AOPEP: variants seen among roughly 807,000 people sequenced by gnomAD.
AOPEP encodes aminopeptidase O.
In AOPEP, 77 loss-of-function variants were observed where a neutral mutation model predicts 98.1. That is an observed-to-expected ratio of 0.78 (90% CI 0.65 to 0.95). AOPEP has a LOEUF of 0.95. Among genes scored for constraint, AOPEP ranks in the 40% least tolerant of loss-of-function variants. AOPEP has a pLI of 0.00. For synonymous variants in AOPEP, 346 were observed against 365.3 expected, an observed-to-expected ratio of 0.95 and a Z score of 0.60; for missense variants, 1,024 against 1,024.7, an observed-to-expected ratio of 1.00 and a Z score of 0.01.
chr9:95,146,559 T>C, the AOPEP span, among the ~76,000 whole-genome samples: 491 of 150,814 alleles, frequency 3.3e-3, 9 homozygotes, highest in East Asian at 0.043. Context: ...AACCACAGTA[T>C]TCTTAACAAA....
chr9:95,094,072 TCTC>T, the AOPEP span, among the ~76,000 whole-genome samples: 1 of 152,194 alleles, frequency 6.6e-6, no homozygotes, highest in East Asian at 1.9e-4. Flanking sequence ...TTCTTGCTCT[TCTC>T]CTTTCTCTCC....
chr9:95,044,701 A>G (rs761083477), intron 13 of AOPEP, among the ~76,000 whole-genome samples: 39 of 152,138 alleles, frequency 2.6e-4, no homozygotes, highest in Admixed American at 7.9e-4. Context: ...GGAAATGAGC[A>G]TAGTGACCTG....
At chr9:94,888,294 CGTGTGTGTGTGTGT>C (rs59342995) in intron 5 of AOPEP, among the ~76,000 whole-genome samples, 7 of 137,590 alleles carry the variant, frequency 5.1e-5, no homozygotes, top group African/African-American at 1.6e-4. Context: ...AGAACCTTAC[CGTGTGTGTGTGTGT>C]GTGTGTGTGT....
rs532825758 is a variant in AOPEP, at chr9:94,878,025, T to A, written c.1365-45961T>A. ...GAACATGGAGAGGCATCAATGGAAT[T>A]GTTTTCTGATTTTTTGGCATTTGCC... is the stretch of plus-strand genomic sequence containing the variant. On this transcript the variant is annotated intron_variant, in intron 5 of 16. Transcript: ENST00000375315. Among the ~76,000 whole-genome samples the A allele has an allele frequency of 5.3e-5, 8 of 152,212 alleles. No homozygotes were observed. In the East Asian group the frequency reaches 1.5e-3, roughly 29 times the overall value.
intron 2 of AOPEP, among the ~76,000 whole-genome samples, chr9:94,770,773 G>C (rs1387716285): frequency 6.6e-6 from 1 of 152,104 alleles, no homozygotes; most frequent in Non-Finnish European, 1.5e-5. Flanking sequence ...GCATTATCAC[G>C]GCCTGTATAC....
intron 5 of AOPEP, among the ~76,000 whole-genome samples, chr9:94,839,339 C>T (rs900648991): frequency 9.9e-5 from 15 of 152,206 alleles, no homozygotes; most frequent in South Asian, 8.3e-4. Flanking sequence ...CCGCCCACCT[C>T]GGCCTCCCAA....
intron 1 of AOPEP, among the ~76,000 whole-genome samples, chr9:94,744,625 C>A (rs1277777856): frequency 6.9e-6 from 1 of 144,510 alleles, no homozygotes; most frequent in Non-Finnish European, 1.5e-5. Context: ...CACTTCAACC[C>A]AGGAGACGGA....
At chr9:94,916,862 A>T (rs1245265795) in intron 5 of AOPEP, among the ~76,000 whole-genome samples, 1 of 152,222 alleles carries the variant, frequency 6.6e-6, no homozygotes, top group African/African-American at 2.4e-5. Context: ...AATTTGTTCA[A>T]AAACAAATTT....
chr9:95,083,140 C>T (rs2070044995), intron 16 of AOPEP: 1 of 177,688 alleles, frequency 5.6e-6, no homozygotes, highest in Admixed American at 5.9e-5. Context: ...CGTGTGACTC[C>T]AAAGCCTAGC....
intron 13 of AOPEP, among the ~76,000 whole-genome samples, chr9:95,009,076 G>A (rs1310461178): frequency 6.6e-6 from 1 of 152,192 alleles, no homozygotes; most frequent in Non-Finnish European, 1.5e-5. Flanking sequence ...AGAACAATTA[G>A]GATGATTGGA....
At chr9:95,043,150 T>G (rs1276308596) in intron 13 of AOPEP, among the ~76,000 whole-genome samples, 1 of 151,958 alleles carries the variant, frequency 6.6e-6, no homozygotes, top group Non-Finnish European at 1.5e-5. Flanking sequence ...AGGTAGTTAG[T>G]AGTTTTGTAG....
At chr9:95,080,545 TAAAAGA>T (rs1238430970) in intron 14 of AOPEP, 143 bp from the exon 15 acceptor site, 1 of 608,342 alleles carries the variant, frequency 1.6e-6, no homozygotes, top group East Asian at 2.7e-5. Flanking sequence ...AAAAATATAC[TAAAAGA>T]AAATGTAAAA....
intron 13 of AOPEP, among the ~76,000 whole-genome samples, chr9:95,054,520 C>T (rs1023695130): frequency 2.6e-5 from 4 of 152,090 alleles, no homozygotes; most frequent in African/African-American, 4.8e-5. Flanking sequence ...AATAATAGCA[C>T]GGGAACATTT....
chr9:94,798,532 C>T (rs1847532652), intron 4 of AOPEP, among the ~76,000 whole-genome samples: 1 of 152,120 alleles, frequency 6.6e-6, no homozygotes. Flanking sequence ...GGGTTCTTGG[C>T]AGCAGGAAAT....
At chr9:95,130,157 T>G in the AOPEP span, among the ~76,000 whole-genome samples, 3 of 152,324 alleles carry the variant, frequency 2.0e-5, no homozygotes, top group African/African-American at 7.2e-5. Flanking sequence ...GATGTTTACT[T>G]AAGCTGTTAT....
chr9:94,731,492 C>T (rs896948651), intron 1 of AOPEP, among the ~76,000 whole-genome samples: 2 of 152,168 alleles, frequency 1.3e-5, no homozygotes, highest in Non-Finnish European at 1.5e-5. Context: ...TCCCAAAGTG[C>T]TGGGATTACA....
At chr9:95,089,741 G>A (rs1189944559), downstream of AOPEP, among the ~76,000 whole-genome samples, 2 of 152,236 alleles carry the variant, frequency 1.3e-5, no homozygotes, top group Non-Finnish European at 2.9e-5. Flanking sequence ...GAATCCGCCA[G>A]TTAAGTGCTG....
intron 5 of AOPEP, among the ~76,000 whole-genome samples, chr9:94,856,444 C>G (rs2044222520): frequency 6.6e-6 from 1 of 151,946 alleles, no homozygotes; most frequent in Admixed American, 6.6e-5. Context: ...TAGTTTGAGA[C>G]CAGCCTGACC....
the AOPEP span, chr9:95,123,269 A>C: frequency 3.6e-6 from 1 of 280,386 alleles, no homozygotes. Context: ...ATACCACTGC[A>C]CTCCAGCCTT....
Sources: allele counts gnomAD v4.1 joint callset (sites outside exome capture counted in the v4.1 genomes callset), GRCh38; gene constraint gnomAD v4.1.1; transcripts MANE v1.5; gene names NCBI Gene and HGNC (gene_info 2026-07-23, HGNC 2026-07-21).